The following TDRP variants were observed in gnomAD, a reference collection of about 807,000 sequenced individuals.
TDRP encodes the protein testis development-related protein.
TDRP carries 12 observed loss-of-function variants against 10.5 expected under a neutral mutation model. The observed-to-expected ratio is 1.15, with a 90% CI of 0.73 to 1.86. The LOEUF (loss-of-function observed/expected upper bound fraction) is 1.86, where lower values mean the gene tolerates loss of function less well. Ranked by LOEUF, TDRP falls within the 40% of genes most tolerant of loss-of-function variation. The probability of loss-of-function intolerance (pLI) is 0.00; values close to 1 mark genes in which losing one functional copy is unlikely to be tolerated. For missense variants in TDRP, 353 were observed against 229.2 expected, an observed-to-expected ratio of 1.54 and a Z score of -3.49; for synonymous variants, 139 against 95.4, an observed-to-expected ratio of 1.46 and a Z score of -2.67.
At position 537,512 on chromosome 8, in the gene TDRP, C is replaced by T. The variant is rs561211170; in HGVS notation, c.108+7138G>A. The stretch of plus-strand genomic sequence containing the variant: ...GTTTGCCAGAGAAAAATATTAAGGG[C>T]TGGATATGGATGACTTCATTTACTT... On this transcript the variant is annotated intron_variant, in intron 1 of 2. Coordinates refer to ENST00000324079, the MANE Select transcript of TDRP (RefSeq NM_001384899.1). 3.9e-5 allele frequency among the ~76,000 whole-genome samples: 6 copies of T among 152,312 alleles called. No individual in the cohort carries two copies. In the South Asian group the frequency reaches 1.2e-3, roughly 32 times the overall value.
intron 1 of TDRP, among the ~76,000 whole-genome samples, chr8:517,978 G>C (rs1455412870): frequency 1.3e-5 from 2 of 152,198 alleles, no homozygotes; most frequent in East Asian, 3.8e-4. Flanking sequence ...AAAAGGTGGA[G>C]CACAGTGGAA....
intron 1 of TDRP, among the ~76,000 whole-genome samples, chr8:522,628 C>T (rs995769407): frequency 2.0e-5 from 3 of 152,194 alleles, no homozygotes; most frequent in African/African-American, 7.2e-5. Context: ...CTCCCTCCGC[C>T]CCATGAAATG....
chr8:534,189 T>C (rs887585003), intron 1 of TDRP, among the ~76,000 whole-genome samples: 2 of 152,208 alleles, frequency 1.3e-5, no homozygotes, highest in East Asian at 1.9e-4. Flanking sequence ...ATTTACAAGG[T>C]TGTAACTTTA....
intron 1 of TDRP, among the ~76,000 whole-genome samples, chr8:527,782 AAATC>A (rs1297862960): frequency 6.6e-6 from 1 of 152,186 alleles, no homozygotes; most frequent in Non-Finnish European, 1.5e-5. Context: ...TTAAAGACTT[AAATC>A]TAAGACCTCA....
chr8:515,397 G>C (rs1006570821), intron 1 of TDRP, among the ~76,000 whole-genome samples: 2 of 152,200 alleles, frequency 1.3e-5, no homozygotes, highest in Non-Finnish European at 2.9e-5. Context: ...CCTTATCTGA[G>C]ATGCTTGGAA....
rs1482499957 is a variant in TDRP at position 491,427 on chromosome 8, A to G, written c.*972T>C. ...ACATTGTCAAGGACAGTAAGCAGAC[A>G]GAAAAAGAACGCGAGAGATGCTCTC... On this transcript the variant is annotated 3_prime_UTR_variant, in exon 3 of 3. Transcript: ENST00000324079. 3 of 518,526 alleles carry G rather than the reference A, an allele frequency of 5.8e-6. No homozygotes were observed. The African/African-American group carries it at 5.9e-5, about 10-fold the overall frequency. The allele number at this position is 518,526 out of a possible 1,614,324, so 32.1% of individuals were successfully genotyped here.
intron 1 of TDRP, among the ~76,000 whole-genome samples, chr8:520,790 T>G (rs1017292054): frequency 6.6e-6 from 1 of 152,166 alleles, no homozygotes; most frequent in Non-Finnish European, 1.5e-5. Flanking sequence ...TTAATCAGGT[T>G]TTTTGTTGTT....
At chr8:529,816 T>G (rs1203663838) in intron 1 of TDRP, among the ~76,000 whole-genome samples, 3 of 152,190 alleles carry the variant, frequency 2.0e-5, no homozygotes, top group East Asian at 1.9e-4. Context: ...CACTGACTTT[T>G]GGCAATTTGA....
upstream of TDRP, chr8:544,988 C>A (rs1802602727): frequency 6.2e-6 from 2 of 320,818 alleles, no homozygotes; most frequent in East Asian, 9.5e-5. Flanking sequence ...CAGAACCAGG[C>A]CCGCTCCAAG....
At chr8:543,853 T>G (rs537424003) in intron 1 of TDRP, among the ~76,000 whole-genome samples, 1 of 147,414 alleles carries the variant, frequency 6.8e-6, no homozygotes, top group African/African-American at 2.5e-5. Context: ...AAGAGATATT[T>G]TATGATCCAG....
intron 1 of TDRP, among the ~76,000 whole-genome samples, chr8:518,607 T>A (rs1282312194): frequency 1.4e-5 from 2 of 142,166 alleles, no homozygotes; most frequent in Admixed American, 7.5e-5. Flanking sequence ...AAAGGATCTT[T>A]TCTTCACAGC....
intron 1 of TDRP, among the ~76,000 whole-genome samples, chr8:515,675 A>G (rs1232878609): frequency 6.6e-6 from 1 of 152,252 alleles, no homozygotes. Flanking sequence ...CTCTAACATT[A>G]CTACTTACTG....
chr8:541,977 G>A (rs1487684819), intron 1 of TDRP, among the ~76,000 whole-genome samples: 2 of 152,130 alleles, frequency 1.3e-5, no homozygotes, highest in Admixed American at 1.3e-4. Context: ...TGAATAAACT[G>A]ATGTTTATTC....
chr8:512,581 A>G (rs184676204), intron 1 of TDRP, among the ~76,000 whole-genome samples: 2 of 148,620 alleles, frequency 1.3e-5, no homozygotes, highest in East Asian at 3.9e-4. Context: ...TTGTCCATCA[A>G]AAAAAAAAAG....
intron 1 of TDRP, among the ~76,000 whole-genome samples, chr8:511,030 T>C (rs888646744): frequency 1.2e-4 from 19 of 152,082 alleles, no homozygotes; most frequent in African/African-American, 4.3e-4. Flanking sequence ...AAATGTTGAA[T>C]TTAAAAATAT....
At chr8:507,124 G>A (rs1419836394) in intron 1 of TDRP, among the ~76,000 whole-genome samples, 3 of 152,090 alleles carry the variant, frequency 2.0e-5, no homozygotes, top group Non-Finnish European at 2.9e-5. Context: ...GCATGCACAG[G>A]AAGAACTGCC....
rs57263869 is a variant in TDRP at position 521,246 on chromosome 8, C to CAAAAAAAAA, written c.108+23395_108+23403dup. 6.5e-3 allele frequency among the ~76,000 whole-genome samples: 536 copies of CAAAAAAAAA among 82,098 alleles called. 5 individuals are homozygous for CAAAAAAAAA. The highest frequency in any genetic ancestry group is 0.015 in the Middle Eastern group (2 of 130). 53.9% of individuals were successfully genotyped at this position (82,098 alleles called of 152,430 possible). Reference sequence around the variant, plus strand: ...TCAAACCCCGTCTCTACTAAAAATCCAAAAAAAAAAAAAAAAAAAAAATAG... The same window carrying CAAAAAAAAA: ...TCAAACCCCGTCTCTACTAAAAATCCAAAAAAAAAAAAAAAAAAAAAAAAAAAAAAATAG... On this transcript the variant is annotated intron_variant, in intron 1 of 2. Transcript: ENST00000324079.
chr8:497,002 C>T (rs1035835772), intron 1 of TDRP, among the ~76,000 whole-genome samples: 1 of 152,202 alleles, frequency 6.6e-6, no homozygotes, highest in Admixed American at 6.5e-5. Flanking sequence ...TGTAAGTCAA[C>T]CTCTTTTCTT....
chr8:500,475 C>G (rs534098676), intron 1 of TDRP, among the ~76,000 whole-genome samples: 10 of 152,280 alleles, frequency 6.6e-5, no homozygotes, highest in African/African-American at 2.4e-4. Flanking sequence ...AGAACTGAAC[C>G]TGCCAATCTT....
Sources: gnomAD v4.1 joint callset for allele counts (sites outside exome capture counted in the v4.1 genomes callset) on GRCh38, gnomAD v4.1.1 for gene constraint, MANE v1.5 for transcripts, NCBI Gene and HGNC (gene_info 2026-07-23, HGNC 2026-07-21) for gene names.